LRP1B: variants seen among roughly 807,000 people sequenced by gnomAD.
LRP1B encodes the protein low-density lipoprotein receptor-related protein 1B.
LRP1B carries 217 observed loss-of-function variants against 556.6 expected under a neutral mutation model. That is an observed-to-expected ratio of 0.39 (90% confidence interval 0.35 to 0.44). The LOEUF is 0.44. Among genes scored for constraint, LRP1B ranks in the 20% least tolerant of loss-of-function variants. LRP1B has a pLI of 1.00. For synonymous variants in LRP1B, 2,047 were observed against 1,865.8 expected, an observed-to-expected ratio of 1.10 and a Z score of -2.50; for missense variants, 5,053 against 5,620.8, an observed-to-expected ratio of 0.90 and a Z score of 3.23.
chr2:140,623,140 C>T (rs1683515854), intron 41 of LRP1B, among the ~76,000 whole-genome samples: 1 of 152,168 alleles, frequency 6.6e-6, no homozygotes, highest in African/African-American at 2.4e-5. Flanking sequence ...TTTGGCATCT[C>T]CAGGTTTCTA....
At chr2:140,940,081 C>T (rs1414249300) in intron 20 of LRP1B, among the ~76,000 whole-genome samples, 1 of 151,784 alleles carries the variant, frequency 6.6e-6, no homozygotes, top group Non-Finnish European at 1.5e-5. Flanking sequence ...GACAGGATTT[C>T]ACCATGTTGG....
At chr2:141,768,458 G>GT (rs1186780120) in intron 2 of LRP1B, among the ~76,000 whole-genome samples, 1 of 151,998 alleles carries the variant, frequency 6.6e-6, no homozygotes, top group Non-Finnish European at 1.5e-5. Context: ...GTTTTAAAGG[G>GT]TTTTTTAATT....
At chr2:140,695,956 A>T (rs903471994) in intron 41 of LRP1B, among the ~76,000 whole-genome samples, 1 of 152,232 alleles carries the variant, frequency 6.6e-6, no homozygotes, top group East Asian at 1.9e-4. Context: ...CCTTTATCCC[A>T]TCCATTTCTT....
chr2:140,240,947 C>T (rs2104887656), intron 87 of LRP1B, among the ~76,000 whole-genome samples: 1 of 150,948 alleles, frequency 6.6e-6, no homozygotes, highest in East Asian at 2.0e-4. Context: ...ATAATCCATA[C>T]TGGACCACTT....
At chr2:141,004,436 C>G (rs1232567188) in intron 15 of LRP1B, among the ~76,000 whole-genome samples, 1 of 152,026 alleles carries the variant, frequency 6.6e-6, no homozygotes, top group African/African-American at 2.4e-5. Context: ...TTGGTTTCTT[C>G]CTGTCTTTGG....
intron 41 of LRP1B, among the ~76,000 whole-genome samples, chr2:140,666,759 C>G (rs970643572): frequency 1.3e-5 from 2 of 152,076 alleles, no homozygotes; most frequent in South Asian, 2.1e-4. Flanking sequence ...ATGTATTTGT[C>G]CATCTACAAG....
At chr2:140,567,240 C>G (rs1185315935) in intron 43 of LRP1B, among the ~76,000 whole-genome samples, 1 of 152,138 alleles carries the variant, frequency 6.6e-6, no homozygotes, top group Admixed American at 6.5e-5. Flanking sequence ...GTCCAAGCAA[C>G]AGCTGTGTTC....
intron 1 of LRP1B, among the ~76,000 whole-genome samples, chr2:142,072,466 C>T (rs1372003043): frequency 3.3e-5 from 5 of 151,994 alleles, no homozygotes. Context: ...CACATGCTCC[C>T]TAACCCCTCA....
chr2:142,092,145 A>G (rs1026152019), intron 1 of LRP1B, among the ~76,000 whole-genome samples: 17 of 152,190 alleles, frequency 1.1e-4, no homozygotes, highest in Admixed American at 9.8e-4. Flanking sequence ...TGATAACTTA[A>G]TATTTTTTCT....
chr2:140,330,224 A>AATAATAAT lies in LRP1B; in HGVS notation c.12223+4221_12223+4228dup, dbSNP rs1399820442. Among the ~76,000 whole-genome samples, 3 of 144,330 alleles carry AATAATAAT rather than the reference A, an allele frequency of 2.1e-5. No homozygotes were observed. The East Asian group carries it at 5.9e-4, about 29-fold the overall frequency. The allele number at this position is 144,330 out of a possible 152,430, so 94.7% of individuals were successfully genotyped here. On this transcript the variant is annotated intron_variant, in intron 79 of 90. Transcript: ENST00000389484. The stretch of plus-strand genomic sequence containing the variant: ...CAATAATAATAATAATAATAATAAT[A>AATAATAAT]ATAATAATAATAATAATATGGAGCC...
At chr2:141,121,997 G>A (rs1701064654) in intron 7 of LRP1B, among the ~76,000 whole-genome samples, 1 of 152,082 alleles carries the variant, frequency 6.6e-6, no homozygotes, top group Admixed American at 6.6e-5. Flanking sequence ...AACAAGAAAT[G>A]GGGAAAGGAT....
At chr2:141,291,502 C>G (rs1685945257) in intron 3 of LRP1B, among the ~76,000 whole-genome samples, 1 of 152,032 alleles carries the variant, frequency 6.6e-6, no homozygotes, top group Non-Finnish European at 1.5e-5. Context: ...AAGGGCATGT[C>G]TCAATTTTAC....
intron 43 of LRP1B, among the ~76,000 whole-genome samples, chr2:140,565,372 A>T (rs1242309707): frequency 6.6e-6 from 1 of 151,866 alleles, no homozygotes; most frequent in Non-Finnish European, 1.5e-5. Flanking sequence ...GAAAATTAGG[A>T]TTTAAGATTC....
At chr2:141,234,549 G>C (rs1683584480) in intron 5 of LRP1B, among the ~76,000 whole-genome samples, 1 of 151,728 alleles carries the variant, frequency 6.6e-6, no homozygotes, top group African/African-American at 2.4e-5. Flanking sequence ...ATTAATTTTT[G>C]TATTTTTAGT....
chr2:140,828,216 A>G (rs1691576840), intron 31 of LRP1B, among the ~76,000 whole-genome samples: 1 of 152,224 alleles, frequency 6.6e-6, no homozygotes, highest in South Asian at 2.1e-4. Flanking sequence ...ATAAAGACAA[A>G]TTCATAATAC....
chr2:141,661,329 A>G (rs1690214426), intron 2 of LRP1B, among the ~76,000 whole-genome samples: 1 of 152,174 alleles, frequency 6.6e-6, no homozygotes, highest in Non-Finnish European at 1.5e-5. Flanking sequence ...TGAGGCTGAG[A>G]TGGATAAATT....
chr2:141,245,880 C>T (rs1684047278), intron 5 of LRP1B, among the ~76,000 whole-genome samples: 1 of 152,060 alleles, frequency 6.6e-6, no homozygotes. Flanking sequence ...CTTTCCTTTT[C>T]CTTTTTTCCA....
intron 1 of LRP1B, among the ~76,000 whole-genome samples, chr2:142,014,159 G>C (rs1703042719): frequency 7.3e-6 from 1 of 137,228 alleles, no homozygotes. Context: ...TGGAGTAGCT[G>C]TACTTTCACC....
At chr2:140,759,292 C>T (rs983849764) in intron 35 of LRP1B, among the ~76,000 whole-genome samples, 6 of 152,034 alleles carry the variant, frequency 3.9e-5, no homozygotes, top group Admixed American at 1.3e-4. Flanking sequence ...CTTTGTATAA[C>T]TCTAAAATAC....
Sources: gnomAD v4.1 joint callset for allele counts (sites outside exome capture counted in the v4.1 genomes callset) on GRCh38, gnomAD v4.1.1 for gene constraint, MANE v1.5 for transcripts, NCBI Gene and HGNC (gene_info 2026-07-23, HGNC 2026-07-21) for gene names.